ZBTB38: variants seen among roughly 807,000 people sequenced by gnomAD.
The protein encoded by ZBTB38 is zinc finger and BTB domain containing 38, also known as zinc finger and BTB domain-containing protein 38.
In ZBTB38, 20 loss-of-function variants were observed where a neutral mutation model predicts 76.8. The observed-to-expected ratio is 0.26, with a 90% CI of 0.18 to 0.38. ZBTB38 has a LOEUF of 0.38. Ranked by LOEUF, ZBTB38 falls within the 10% of genes least tolerant of loss-of-function variation. The pLI is 1.00. For missense variants in ZBTB38, 1,082 were observed against 1,482.3 expected, an observed-to-expected ratio of 0.73 and a Z score of 4.43; for synonymous variants, 504 against 544.2, an observed-to-expected ratio of 0.93 and a Z score of 1.03.
intron 5 of ZBTB38, among the ~76,000 whole-genome samples, chr3:141,435,839 A>G (rs2078659415): frequency 6.6e-6 from 1 of 152,178 alleles, no homozygotes; most frequent in African/African-American, 2.4e-5. Flanking sequence ...TAATGACATT[A>G]AAGTCCGATG....
intron 4 of ZBTB38, chr3:141,402,507 C>T (rs1040446611): frequency 6.9e-4 from 103 of 149,078 alleles, no homozygotes; most frequent in African/African-American, 2.4e-3. Context: ...CGAGGCGCGG[C>T]CTGCGGGCGC....
intron 4 of ZBTB38, among the ~76,000 whole-genome samples, chr3:141,399,737 T>G (rs2149504048): frequency 6.6e-6 from 1 of 152,332 alleles, no homozygotes; most frequent in East Asian, 1.9e-4. Context: ...CTTTAGTCTT[T>G]TAATATATTA....
At chr3:141,371,524 GAAACAAGGTT>G (rs1003700016) in intron 2 of ZBTB38, among the ~76,000 whole-genome samples, 2 of 151,758 alleles carry the variant, frequency 1.3e-5, no homozygotes, top group African/African-American at 4.8e-5. Flanking sequence ...ATTTTTTGTA[GAAACAAGGTT>G]TCACCATGTT....
At chr3:141,387,942 A>G (rs1256493467) in intron 4 of ZBTB38, 1 of 152,222 alleles carries the variant, frequency 6.6e-6, no homozygotes, top group Admixed American at 6.5e-5. Flanking sequence ...CAGCAAGAAC[A>G]TTAGATGCAT....
At chr3:141,431,215 C>G (rs1409554557) in intron 5 of ZBTB38, among the ~76,000 whole-genome samples, 4 of 150,874 alleles carry the variant, frequency 2.7e-5, no homozygotes, top group South Asian at 2.1e-4. Flanking sequence ...CCCAGCTACT[C>G]CGGAGGCTGA....
At chr3:141,330,830 C>T (rs1327820995) in intron 1 of ZBTB38, among the ~76,000 whole-genome samples, 4 of 152,176 alleles carry the variant, frequency 2.6e-5, no homozygotes, top group East Asian at 3.9e-4. Context: ...AAGAGAACCT[C>T]GCCATGCGAT....
intron 1 of ZBTB38, among the ~76,000 whole-genome samples, chr3:141,339,900 G>A (rs1156858012): frequency 3.9e-5 from 6 of 152,180 alleles, no homozygotes; most frequent in East Asian, 1.9e-4. Flanking sequence ...TTACAGGTGT[G>A]GGATTTAATG....
At chr3:141,409,682 G>A (rs55750762) in intron 5 of ZBTB38, among the ~76,000 whole-genome samples, 5,775 of 152,246 alleles carry the variant, frequency 0.038, 124 homozygotes, top group Non-Finnish European at 0.045. Context: ...CTGTGCTGCT[G>A]CTGCAAGCCT....
At chr3:141,354,375 C>T (rs1943603094) in intron 1 of ZBTB38, among the ~76,000 whole-genome samples, 1 of 152,096 alleles carries the variant, frequency 6.6e-6, no homozygotes, top group Admixed American at 6.5e-5. Flanking sequence ...CATGCATTCC[C>T]CATTGCTTCC....
chr3:141,370,677 A>G (rs1944415930), intron 2 of ZBTB38, among the ~76,000 whole-genome samples: 1 of 152,262 alleles, frequency 6.6e-6, no homozygotes, highest in Non-Finnish European at 1.5e-5. Flanking sequence ...TCTGTCCATT[A>G]TGACCCTAAG....
chr3:141,359,297 G>A (rs1943752745), intron 1 of ZBTB38, among the ~76,000 whole-genome samples: 1 of 152,146 alleles, frequency 6.6e-6, no homozygotes, highest in African/African-American at 2.4e-5. Flanking sequence ...CTGAATCTCT[G>A]GCTTTTAAGG....
In ZBTB38 at chr3:141,368,506, T is replaced by G. The variant is rs562888079; in HGVS notation, c.-608T>G. ...CCTCCCTCTGAAGCCAGGAAACTAGTTGGGGAGTGGCACTCGCAGCTGCAG... is the reference window on the plus strand; with the variant it reads ...CCTCCCTCTGAAGCCAGGAAACTAGGTGGGGAGTGGCACTCGCAGCTGCAG... On this transcript the variant is annotated 5_prime_UTR_variant, in exon 1 of 6. Coordinates refer to ENST00000321464, the MANE Select transcript of ZBTB38 (RefSeq NM_001376113.1). 1 of 152,162 alleles carries G rather than the reference T, an allele frequency of 6.6e-6. No homozygotes were observed. The highest frequency in any genetic ancestry group is 2.4e-5 in the African/African-American group (1 of 41,392). 9.4% of individuals were successfully genotyped at this position (152,162 alleles called of 1,614,324 possible). A position where few individuals can be genotyped will look rare whatever the true frequency, so the allele number is the denominator to read the frequency against.
At position 141,413,974 on chromosome 3, in the gene ZBTB38, A is replaced by T. The variant is rs146242185; in HGVS notation, c.-1+9943A>T. 2.6e-5 allele frequency among the ~76,000 whole-genome samples: 4 copies of T among 152,328 alleles called. No homozygotes were observed. In the East Asian group the frequency reaches 7.7e-4, roughly 29 times the overall value. ...TTCTCAACACCTGTTCTTCATTAGG[A>T]CGGAGCACTCTGAGAGTTTTGAAAA... On this transcript the variant is annotated intron_variant, in intron 5 of 5. Coordinates refer to ENST00000321464, the MANE Select transcript of ZBTB38 (RefSeq NM_001376113.1). This position sits in a 1 kb window ranked among gnomAD's most constrained non-coding sequence, Gnocchi z 4.1.
At chr3:141,327,122 T>A (rs905831042) in intron 1 of ZBTB38, among the ~76,000 whole-genome samples, 3 of 152,102 alleles carry the variant, frequency 2.0e-5, no homozygotes, top group African/African-American at 4.8e-5. Flanking sequence ...CTTAAAAGGG[T>A]GTCTGAAAGA....
intron 1 of ZBTB38, among the ~76,000 whole-genome samples, chr3:141,328,334 C>T (rs939405637): frequency 2.6e-5 from 4 of 152,224 alleles, no homozygotes; most frequent in Non-Finnish European, 5.9e-5. Context: ...CAGCCATCCC[C>T]ATTTGAATAT....
At chr3:141,372,486 TA>T (rs796175977) in intron 2 of ZBTB38, among the ~76,000 whole-genome samples, 1 of 149,522 alleles carries the variant, frequency 6.7e-6, no homozygotes, top group South Asian at 2.1e-4. Context: ...CCATCTCTAC[TA>T]AAAAAAAATA....
rs375256899 is a variant in ZBTB38 at position 141,418,913 on chromosome 3, TG to T, written c.-1+14884del. 3.9e-4 allele frequency among the ~76,000 whole-genome samples: 60 copies of T among 152,364 alleles called. 1 individual carries two copies. The East Asian group carries it at 0.012, about 29-fold the overall frequency. On this transcript the variant is annotated intron_variant, in intron 5 of 5. Transcript: ENST00000321464. ...AAAGTAGAATATTTACGTGATCACC[TG>T]GTCAGCAGTGTGCTAATGGCATGCT...
At chr3:141,403,149 G>A (rs767907284) in intron 4 of ZBTB38, 2 of 152,214 alleles carry the variant, frequency 1.3e-5, no homozygotes, top group Non-Finnish European at 1.5e-5. Context: ...CTGCACTGCG[G>A]TAGGTAAGTG....
intron 1 of ZBTB38, among the ~76,000 whole-genome samples, chr3:141,344,926 G>T (rs1339122457): frequency 6.6e-6 from 1 of 152,202 alleles, no homozygotes. Flanking sequence ...ATCTTTGGGG[G>T]TCCATTATTC....
Sources: gnomAD v4.1 joint callset for allele counts (sites outside exome capture counted in the v4.1 genomes callset) on GRCh38, gnomAD v4.1.1 for gene constraint, Gnocchi (gnomAD v3.1) non-coding constraint, MANE v1.5 for transcripts, NCBI Gene and HGNC (gene_info 2026-07-23, HGNC 2026-07-21) for gene names.